Variants in SPINT1 observed in about 807,000 individuals in gnomAD.
The protein encoded by SPINT1 is serine peptidase inhibitor, Kunitz type 1, also known as kunitz-type protease inhibitor 1.
In SPINT1, 38 loss-of-function variants were observed where a neutral mutation model predicts 53.7. That is an observed-to-expected ratio of 0.71 (90% CI 0.55 to 0.93). The LOEUF is 0.93. SPINT1 is among the 40% of genes least tolerant of loss of function. The probability of loss-of-function intolerance (pLI) is 0.00; values close to 1 mark genes in which losing one functional copy is unlikely to be tolerated. For synonymous variants in SPINT1, 283 were observed against 280.6 expected (o/e 1.01, Z -0.08); for missense variants, 645 against 692.9 (o/e 0.93, Z 0.78).
chr15:40,852,124 T>G (rs1353827510), intron 2 of SPINT1, among the ~76,000 whole-genome samples: 1 of 152,188 alleles, frequency 6.6e-6, no homozygotes, highest in Non-Finnish European at 1.5e-5. Context: ...CCAAAGACCC[T>G]AGGAGAGAAT....
intron 6 of SPINT1, 63 bp from the exon 7 acceptor site, chr15:40,854,334 G>C: frequency 6.6e-7 from 1 of 1,511,146 alleles, no homozygotes; most frequent in Non-Finnish European, 8.8e-7. Context: ...AGAGGGCCAA[G>C]TAGAAGGTGG....
At chr15:40,847,802 A>G (rs1053137291) in intron 2 of SPINT1, among the ~76,000 whole-genome samples, 1 of 152,058 alleles carries the variant, frequency 6.6e-6, no homozygotes, top group East Asian at 1.9e-4. Flanking sequence ...AGTCTGATGC[A>G]TCACTCTGCA....
Position 40,844,420 on chromosome 15 carries a change from G to A in SPINT1, c.-65-70G>A, listed in dbSNP as rs937002768. On this transcript the variant is annotated intron_variant, in intron 1 of 10. Coordinates refer to ENST00000562057, the MANE Select transcript of SPINT1 (RefSeq NM_003710.4). This position sits in a 1 kb window ranked among gnomAD's most constrained non-coding sequence, Gnocchi z 5.8. ...CCTCCCCGCCACTTCCTCCCGGCCG[G>A]CCCGCCTCCTCCAAAGTCTCCCGGG... 4.2e-6 allele frequency: 4 copies of A among 958,482 alleles called. No homozygotes were observed. The highest frequency in any genetic ancestry group is 1.8e-5 in the Admixed American group (1 of 55,182). The allele number at this position is 958,482 out of a possible 1,614,324, so 59.4% of individuals were successfully genotyped here. A position where few individuals can be genotyped will look rare whatever the true frequency, so the allele number is the denominator to read the frequency against.
Position 40,854,484 on chromosome 15 carries a change from A to C in SPINT1, c.1028A>C (p.Asn343Thr). 1 of 1,613,510 alleles carries C rather than the reference A, an allele frequency of 6.2e-7. No individual in the cohort carries two copies. The change falls in exon 7 of 11, where the codon AAC (asparagine) becomes ACC (threonine). Residue 343 changes from asparagine (N) to threonine (T), a missense_variant. Asn to Thr is a moderately conservative substitution (Grantham distance 65). Transcript: ENST00000562057. ...DSFLECDDTP[N>T]CPDASDEAAC... ...TTCCTGGAGTGTGACGACACCCCCAACTGCCCCGACGCCTCCGACGAGGCT... is the reference window on the plus strand; with the variant it reads ...TTCCTGGAGTGTGACGACACCCCCACCTGCCCCGACGCCTCCGACGAGGCT...
At chr15:40,849,358 C>T (rs1891391128) in intron 2 of SPINT1, among the ~76,000 whole-genome samples, 1 of 152,156 alleles carries the variant, frequency 6.6e-6, no homozygotes, top group Non-Finnish European at 1.5e-5. Context: ...GCGATCCTCC[C>T]AACCTCATCT....
intron 8 of SPINT1, 134 bp downstream of exon 8, chr15:40,854,823 C>A (rs866687034): frequency 9.0e-7 from 1 of 1,111,506 alleles, no homozygotes; most frequent in Non-Finnish European, 1.3e-6. Context: ...GTGGGCTCCC[C>A]GTTCTCCAGA....
Position 40,853,235 on chromosome 15 carries a change from C to T in SPINT1, c.587C>T (p.Thr196Met), listed in dbSNP as rs755237849. The part of the protein sequence containing the change: ...NTDWRLLRGD[T>M]DVRVERKDPN... ...GATTGGCGCCTACTGCGGGGTGACA[C>T]GGATGTCAGGGTAGAGGTGAGACAC... Residue 196 changes from threonine to methionine, a missense_variant, in exon 3 of 11, where the codon ACG becomes ATG. Physicochemically the swap from Thr to Met is moderately conservative, Grantham distance 81. Coordinates refer to ENST00000562057, the MANE Select transcript of SPINT1 (RefSeq NM_003710.4). 39 of 1,614,074 alleles carry T rather than the reference C, an allele frequency of 2.4e-5. 1 individual carries two copies. The highest frequency in any genetic ancestry group is 5.3e-5 in the African/African-American group (4 of 74,934).
At chr15:40,845,280 T>C (rs1891256439) in intron 2 of SPINT1, among the ~76,000 whole-genome samples, 1 of 148,458 alleles carries the variant, frequency 6.7e-6, no homozygotes, top group Non-Finnish European at 1.5e-5. Flanking sequence ...GCCTCCGGAG[T>C]AGCTGGAACT....
At chr15:40,850,086 T>C (rs1469369392) in intron 2 of SPINT1, among the ~76,000 whole-genome samples, 2 of 152,368 alleles carry the variant, frequency 1.3e-5, no homozygotes, top group East Asian at 1.9e-4. Context: ...TTCTTTCTTT[T>C]TTTGAGACGG....
chr15:40,845,480 C>A (rs1171983604), intron 2 of SPINT1, among the ~76,000 whole-genome samples: 1 of 152,058 alleles, frequency 6.6e-6, no homozygotes, highest in African/African-American at 2.4e-5. Context: ...GTAGGCAGTA[C>A]AGCCGAATCA....
intron 9 of SPINT1, 25 bp from the exon 10 acceptor site, chr15:40,856,251 G>T (rs1337291237): frequency 5.0e-6 from 8 of 1,613,998 alleles, no homozygotes; most frequent in Non-Finnish European, 6.8e-6. Flanking sequence ...AGTACTGACT[G>T]GTCTTTCCCC....
chr15:40,848,839 C>T (rs1429239939), intron 2 of SPINT1, among the ~76,000 whole-genome samples: 1 of 152,084 alleles, frequency 6.6e-6, no homozygotes, highest in African/African-American at 2.4e-5. Flanking sequence ...CTCATACATA[C>T]CTTTGGGGTA....
At chr15:40,850,353 G>A (rs1001735733) in intron 2 of SPINT1, among the ~76,000 whole-genome samples, 2 of 152,226 alleles carry the variant, frequency 1.3e-5, no homozygotes, top group Non-Finnish European at 2.9e-5. Context: ...TTACAGGCGT[G>A]AGCCACCGCA....
chr15:40,846,946 ACT>A (rs1891316576), intron 2 of SPINT1, among the ~76,000 whole-genome samples: 1 of 151,884 alleles, frequency 6.6e-6, no homozygotes, highest in African/African-American at 2.4e-5. Flanking sequence ...GGTGGTGATG[ACT>A]CTTACTGACC....
chr15:40,856,217 G>A, intron 9 of SPINT1, 59 bp from the exon 10 acceptor site: 4 of 1,608,966 alleles, frequency 2.5e-6, no homozygotes, highest in Non-Finnish European at 3.4e-6. Flanking sequence ...GGGCACTGGG[G>A]AGCAGCTGAG....
Position 40,857,755 on chromosome 15 carries a change from G to A in SPINT1, c.*780G>A, listed in dbSNP as rs1891698327. The A allele has an allele frequency of 6.6e-6, 1 of 151,218 alleles. No individual in the cohort carries two copies. The highest frequency in any genetic ancestry group is 2.1e-4 in the South Asian group (1 of 4,806). The allele number at this position is 151,218 out of a possible 1,614,324, so 9.4% of individuals were successfully genotyped here. A position where few individuals can be genotyped will look rare whatever the true frequency, so the allele number is the denominator to read the frequency against. ...GTTCAGGCTTCAGCCACCCTGTTGAGCAGGTTTTCCCATCGTCTCTCTCGA... is the reference window on the plus strand; with the variant it reads ...GTTCAGGCTTCAGCCACCCTGTTGAACAGGTTTTCCCATCGTCTCTCTCGA... On this transcript the variant is annotated 3_prime_UTR_variant, in exon 11 of 11. Transcript: ENST00000562057.
In SPINT1 at chr15:40,853,694, T is replaced by TAA; in HGVS notation, c.743-16_743-15dup. ...GCGGATTGGCCGCACGGTCCCCTCA[T>TAA]AAGCTCTCCCCCCTAGACTACTGCC... On this transcript the variant is annotated splice_polypyrimidine_tract_variant and intron_variant, in intron 4 of 10. Transcript: ENST00000562057. The TAA allele has an allele frequency of 6.2e-7, 1 of 1,613,982 alleles. No individual in the cohort carries two copies. The highest frequency in any genetic ancestry group is 1.1e-5 in the South Asian group (1 of 91,074).
chr15:40,853,168 C>G lies in SPINT1; in HGVS notation c.520C>G (p.Gln174Glu). 6.2e-7 allele frequency: 1 copy of G among 1,614,166 alleles called. No homozygotes were observed. The highest frequency in any genetic ancestry group is 8.5e-7 in the Non-Finnish European group (1 of 1,180,006). The change falls in exon 3 of 11, where the codon CAA becomes GAA. Residue 174 changes from glutamine (Q) to glutamate (E), a missense_variant. Coordinates refer to ENST00000562057, the MANE Select transcript of SPINT1 (RefSeq NM_003710.4). ...CTGGGCAGGCATAGACTTGAAGGTA[C>G]AACCCCAGGAACCCCTGGTGCTGAA... ...KAWAGIDLKV[Q>E]PQEPLVLKDV...
rs368898985 is a variant in SPINT1 at position 40,844,966 on chromosome 15, A to T, written c.412A>T (p.Ile138Phe). 31 of 1,613,808 alleles carry T rather than the reference A, an allele frequency of 1.9e-5. No individual in the cohort carries two copies. Among genetic ancestry groups the T allele is most frequent in the Non-Finnish European group, 2.5e-5 (30 of 1,180,036 alleles). Residue 138 changes from isoleucine (I) to phenylalanine (F), a missense_variant, in exon 2 of 11, where the codon ATC becomes TTC. Ile to Phe is a conservative substitution (Grantham distance 21). Transcript: ENST00000562057. This position sits in a 1 kb window ranked among gnomAD's most constrained non-coding sequence, Gnocchi z 5.8. ...CAAGTTCGCGCCCAGGGAGGGCTTC[A>T]TCAACTACCTCACGAGGGAAGTGTA... ...VCKFAPREGF[I>F]NYLTREVYRS... is the part of the protein sequence containing the mutation.
Sources: allele counts gnomAD v4.1 joint callset (sites outside exome capture counted in the v4.1 genomes callset), GRCh38; gene constraint gnomAD v4.1.1; non-coding constraint Gnocchi (gnomAD v3.1); transcripts MANE v1.5; gene names NCBI Gene and HGNC (gene_info 2026-07-23, HGNC 2026-07-21).